PALS1: variants seen among roughly 807,000 people sequenced by gnomAD.
PALS1 encodes protein PALS1.
In PALS1, 31 loss-of-function variants were observed where a neutral mutation model predicts 78.9. That is an observed-to-expected ratio of 0.39 (90% CI 0.30 to 0.53). PALS1 has a LOEUF of 0.53. Ranked by LOEUF, PALS1 falls within the 20% of genes least tolerant of loss-of-function variation. PALS1 has a pLI of 0.67. For missense variants in PALS1, 704 were observed against 826.5 expected, an observed-to-expected ratio of 0.85 and a Z score of 1.82; for synonymous variants, 276 against 270.9, an observed-to-expected ratio of 1.02 and a Z score of -0.18.
At position 67,323,778 on chromosome 14, in the gene PALS1, G is replaced by A; in HGVS notation, c.1817G>A (p.Arg606Gln). Residue 606 changes from arginine (R) to glutamine (Q), a missense_variant, in exon 14 of 15, where the codon CGG becomes CAG. Physicochemically the swap from Arg to Gln is conservative, Grantham distance 43 (BLOSUM62 1). Coordinates refer to ENST00000261681, the MANE Select transcript of PALS1 (RefSeq NM_022474.4). ...GCACCCCCTTCACAAGAAAGACTTCGGGCATTATTGGCCAAAGAAGGCAAG... is the reference window on the plus strand; with the variant it reads ...GCACCCCCTTCACAAGAAAGACTTCAGGCATTATTGGCCAAAGAAGGCAAG... The part of the protein sequence containing the change: ...FIAPPSQERL[R>Q]ALLAKEGKNP... 2 of 1,595,866 alleles carry A rather than the reference G, an allele frequency of 1.3e-6. No individual in the cohort carries two copies. The highest frequency in any genetic ancestry group is 1.7e-6 in the Non-Finnish European group (2 of 1,171,598).
intron 8 of PALS1, among the ~76,000 whole-genome samples, chr14:67,309,411 TAAG>T (rs2140933470): frequency 6.6e-6 from 1 of 152,338 alleles, no homozygotes; most frequent in South Asian, 2.1e-4. Flanking sequence ...GAAAAATTAA[TAAG>T]AGCCTTTTCC....
In PALS1 at chr14:67,333,133, T is replaced by C. The variant is rs973676747; in HGVS notation, c.*177T>C. On this transcript the variant is annotated 3_prime_UTR_variant, in exon 15 of 15. Transcript: ENST00000261681. Reference sequence around the variant, plus strand: ...ACAGTTCCCTTAGGCAGTTTGTGCATGGCATCCTTTATTCTCTATACATGG... The same window carrying C: ...ACAGTTCCCTTAGGCAGTTTGTGCACGGCATCCTTTATTCTCTATACATGG... 37 of 545,616 alleles carry C rather than the reference T, an allele frequency of 6.8e-5. No individual in the cohort carries two copies. The highest frequency in any genetic ancestry group is 1.1e-4 in the Non-Finnish European group (36 of 313,510). The allele number at this position is 545,616 out of a possible 1,614,324, so 33.8% of individuals were successfully genotyped here.
chr14:67,322,183 C>G (rs2085272054), intron 13 of PALS1, among the ~76,000 whole-genome samples: 1 of 151,744 alleles, frequency 6.6e-6, no homozygotes, highest in Non-Finnish European at 1.5e-5. Context: ...CCATCTCTAC[C>G]AAAAATTAAA....
In PALS1 at chr14:67,253,868, C is replaced by G. The variant is rs541613163; in HGVS notation, c.-237+12335C>G. 8.0e-5 allele frequency among the ~76,000 whole-genome samples: 12 copies of G among 150,338 alleles called. No homozygotes were observed. In the South Asian group the frequency reaches 2.5e-3, roughly 32 times the overall value. ...AGAAAAAAAAAAAAAGACATCATTT[C>G]CAGAGTTCAGTTTCATTATGGTGAT... On this transcript the variant is annotated intron_variant, in intron 1 of 14. Coordinates refer to ENST00000261681, the MANE Select transcript of PALS1 (RefSeq NM_022474.4).
chr14:67,250,120 T>A (rs561153581), intron 1 of PALS1, among the ~76,000 whole-genome samples: 2 of 152,302 alleles, frequency 1.3e-5, no homozygotes, highest in East Asian at 3.9e-4. Flanking sequence ...TGAAAACCAT[T>A]GATGTAGATA....
At chr14:67,296,956 C>G (rs2084863868) in intron 4 of PALS1, among the ~76,000 whole-genome samples, 1 of 152,126 alleles carries the variant, frequency 6.6e-6, no homozygotes, top group Non-Finnish European at 1.5e-5. Flanking sequence ...CACCTGGCCT[C>G]CTATGATGAT....
intron 2 of PALS1, chr14:67,270,911 G>A (rs1412294250): frequency 1.3e-5 from 2 of 152,292 alleles, no homozygotes; most frequent in African/African-American, 4.8e-5. Context: ...GGGAGGTCTT[G>A]AAGGTAGAAA....
chr14:67,244,924 C>G (rs1200399224), intron 1 of PALS1, among the ~76,000 whole-genome samples: 2 of 151,890 alleles, frequency 1.3e-5, no homozygotes. Flanking sequence ...ATCACAGAAT[C>G]TTTAAAAAAG....
chr14:67,295,104 AGTGTGTGTGT>A (rs10646700), intron 4 of PALS1: 3 of 138,012 alleles, frequency 2.2e-5, no homozygotes, highest in East Asian at 2.5e-4. Flanking sequence ...GAGATATTGA[AGTGTGTGTGT>A]GTGTGTGTGT....
chr14:67,254,182 C>CTTTT (rs78097877), intron 1 of PALS1: 18 of 118,446 alleles, frequency 1.5e-4, no homozygotes, highest in East Asian at 2.4e-4. Flanking sequence ...AAGTGTCTTT[C>CTTTT]TTTTTTTTTT....
rs548090040 is a variant in PALS1 at position 67,269,075 on chromosome 14, T to C, written c.-236-626T>C. Reference sequence around the variant, plus strand: ...GGCAACCACTGATCTACTTTTTGTCTCTCTATATTTGCCTCTTCTGGATAT... The same window carrying C: ...GGCAACCACTGATCTACTTTTTGTCCCTCTATATTTGCCTCTTCTGGATAT... On this transcript the variant is annotated intron_variant, in intron 1 of 14. Transcript: ENST00000261681. Among the ~76,000 whole-genome samples, 29 of 152,308 alleles carry C rather than the reference T, an allele frequency of 1.9e-4. 2 individuals are homozygous for C. The highest frequency in any genetic ancestry group is 6.5e-4 in the African/African-American group (27 of 41,572).
intron 3 of PALS1, among the ~76,000 whole-genome samples, chr14:67,281,515 TATTTA>T (rs1482131837): frequency 6.6e-6 from 1 of 152,114 alleles, no homozygotes; most frequent in African/African-American, 2.4e-5. Flanking sequence ...TATTATTATT[TATTTA>T]TTTATTAAAA....
chr14:67,328,407 A>G (rs1260493681), intron 14 of PALS1, among the ~76,000 whole-genome samples: 17 of 152,272 alleles, frequency 1.1e-4, no homozygotes, highest in African/African-American at 3.6e-4. Context: ...GGTAGATGGT[A>G]AAAATTTTCT....
chr14:67,279,732 G>A, intron 3 of PALS1, 195 bp downstream of exon 3: 1 of 461,600 alleles, frequency 2.2e-6, no homozygotes, highest in Non-Finnish European at 3.7e-6. Context: ...AAAGCATGTG[G>A]CTTAAATGTT....
rs11442716 is a variant in PALS1 at position 67,308,234 on chromosome 14, TA to T, written c.1042-4280del. Among the ~76,000 whole-genome samples, 237 of 138,708 alleles carry T rather than the reference TA, an allele frequency of 1.7e-3. 1 individual carries two copies. The highest frequency in any genetic ancestry group is 2.4e-3 in the African/African-American group (91 of 38,496). 91.0% of individuals were successfully genotyped at this position (138,708 alleles called of 152,430 possible). A position where few individuals can be genotyped will look rare whatever the true frequency, so the allele number is the denominator to read the frequency against. On this transcript the variant is annotated intron_variant, in intron 8 of 14. Coordinates refer to ENST00000261681, the MANE Select transcript of PALS1 (RefSeq NM_022474.4). Reference sequence around the variant, plus strand: ...AGTTGGATCCCTGAACTTAACAGTTTAAAAAAAAAAAAAGTCAGTGTAAAAA... The same window carrying T: ...AGTTGGATCCCTGAACTTAACAGTTTAAAAAAAAAAAAGTCAGTGTAAAAA...
chr14:67,325,870 G>C (rs959798735), intron 14 of PALS1, among the ~76,000 whole-genome samples: 5 of 150,706 alleles, frequency 3.3e-5, no homozygotes, highest in African/African-American at 9.8e-5. Context: ...ATGCAGTGGC[G>C]TAATCTTGGC....
intron 4 of PALS1, among the ~76,000 whole-genome samples, chr14:67,295,539 T>A (rs1415834106): frequency 6.7e-6 from 1 of 148,444 alleles, no homozygotes; most frequent in Non-Finnish European, 1.5e-5. Context: ...ACTACTCGGT[T>A]AAAAAAAAAT....
intron 2 of PALS1, among the ~76,000 whole-genome samples, chr14:67,278,558 C>G (rs928767544): frequency 6.6e-6 from 1 of 152,160 alleles, no homozygotes; most frequent in African/African-American, 2.4e-5. Context: ...TATGCCAAAT[C>G]AGTTGATCAT....
chr14:67,274,920 A>C (rs11846688), intron 2 of PALS1, among the ~76,000 whole-genome samples: 3 of 151,706 alleles, frequency 2.0e-5, no homozygotes, highest in East Asian at 3.9e-4. Flanking sequence ...TTGGCTCTCT[A>C]TTTGTCTGTT....
Sources: allele counts gnomAD v4.1 joint callset (sites outside exome capture counted in the v4.1 genomes callset), GRCh38; gene constraint gnomAD v4.1.1; transcripts MANE v1.5; gene names NCBI Gene and HGNC (gene_info 2026-07-23, HGNC 2026-07-21).